Variants in PUS7 observed in about 807,000 individuals in gnomAD.
The protein encoded by PUS7 is pseudouridine synthase 7.
In PUS7, 48 loss-of-function variants were observed where a neutral mutation model predicts 79.8. That is an observed-to-expected ratio of 0.60 (90% CI 0.48 to 0.76). The LOEUF is 0.76. PUS7 is among the 30% of genes least tolerant of loss of function. The pLI is 0.00. For missense variants in PUS7, 729 were observed against 797.6 expected (o/e 0.91, Z 1.04); for synonymous variants, 286 against 272.2 (o/e 1.05, Z -0.50).
At chr7:105,510,413 G>T (rs1825656732) in intron 1 of PUS7, among the ~76,000 whole-genome samples, 1 of 152,150 alleles carries the variant, frequency 6.6e-6, no homozygotes, top group Non-Finnish European at 1.5e-5. Flanking sequence ...GTGTCATACA[G>T]GTGGTATATA....
At chr7:105,494,335 A>G (rs1291986202) in intron 6 of PUS7, among the ~76,000 whole-genome samples, 2 of 151,338 alleles carry the variant, frequency 1.3e-5, no homozygotes, top group Admixed American at 6.6e-5. Context: ...TAAGAAAACT[A>G]TCCTCACGGC....
intron 5 of PUS7, among the ~76,000 whole-genome samples, chr7:105,499,116 T>C (rs939849127): frequency 6.6e-6 from 1 of 152,206 alleles, no homozygotes; most frequent in Non-Finnish European, 1.5e-5. Context: ...ATCATTCCAC[T>C]AGAATGCTCC....
Position 105,462,741 on chromosome 7 carries a change from G to C in PUS7, c.1637C>G (p.Ala546Gly), listed in dbSNP as rs772752088. The C allele has an allele frequency of 5.6e-6, 9 of 1,611,252 alleles. No homozygotes were observed. The East Asian group carries it at 1.6e-4, about 28-fold the overall frequency. Residue 546 changes from alanine (A) to glycine (G), a missense_variant, in exon 14 of 16, where the codon GCC becomes GGC. Ala to Gly is a moderately conservative substitution (Grantham distance 60). Coordinates refer to ENST00000469408, the MANE Select transcript of PUS7 (RefSeq NM_019042.5). ...GTCAGCTGTGAGCATTTCCCTGTAG[G>C]CTTCTTGAACTAATATAAAATACAA... The part of the protein sequence containing the change: ...VIYPKHKIQE[A>G]YREMLTADNL...
chr7:105,480,244 G>A (rs1824265711), intron 9 of PUS7, among the ~76,000 whole-genome samples: 1 of 152,042 alleles, frequency 6.6e-6, no homozygotes, highest in Non-Finnish European at 1.5e-5. Context: ...GGCTGAGGTA[G>A]GCGGATCATT....
intron 1 of PUS7, among the ~76,000 whole-genome samples, chr7:105,513,054 A>T (rs973920155): frequency 6.6e-6 from 1 of 152,152 alleles, no homozygotes; most frequent in Non-Finnish European, 1.5e-5. Context: ...TTGGAAGAAG[A>T]TGAGCCCACC....
At chr7:105,518,053 C>T (rs1335730286) in intron 1 of PUS7, among the ~76,000 whole-genome samples, 2 of 151,874 alleles carry the variant, frequency 1.3e-5, no homozygotes, top group Non-Finnish European at 2.9e-5. Context: ...GAGGCTGAGA[C>T]AGGAGAATCG....
intron 4 of PUS7, among the ~76,000 whole-genome samples, chr7:105,504,093 C>A (rs1299784845): frequency 7.2e-6 from 1 of 139,496 alleles, no homozygotes; most frequent in Non-Finnish European, 1.5e-5. Flanking sequence ...TTTTGAGACA[C>A]AGTTTCACTC....
intron 4 of PUS7, among the ~76,000 whole-genome samples, chr7:105,503,477 G>A (rs139133499): frequency 2.4e-3 from 372 of 152,162 alleles, no homozygotes; most frequent in Middle Eastern, 0.017. Context: ...TATTTTCAGC[G>A]TGTGAGTGCA....
At chr7:105,513,384 T>TG (rs1199871778) in intron 1 of PUS7, among the ~76,000 whole-genome samples, 1 of 152,208 alleles carries the variant, frequency 6.6e-6, no homozygotes, top group African/African-American at 2.4e-5. Flanking sequence ...TCAACAATCT[T>TG]GGAGACAGAT....
chr7:105,507,395 T>G (rs1228318207), intron 2 of PUS7, among the ~76,000 whole-genome samples: 1 of 152,088 alleles, frequency 6.6e-6, no homozygotes, highest in East Asian at 1.9e-4. Context: ...GCTAAGTAAC[T>G]ACTAAGTAGC....
chr7:105,501,558 T>A (rs1032357190), intron 5 of PUS7, among the ~76,000 whole-genome samples: 5 of 152,162 alleles, frequency 3.3e-5, no homozygotes, highest in Admixed American at 6.5e-5. Context: ...AAAGGGTGTC[T>A]TTCTATATAT....
At chr7:105,461,206 T>C (rs1377917161) in intron 14 of PUS7, among the ~76,000 whole-genome samples, 1 of 152,202 alleles carries the variant, frequency 6.6e-6, no homozygotes, top group Non-Finnish European at 1.5e-5. Context: ...AGAGCGGTGT[T>C]TGGAACTCAC....
intron 6 of PUS7, among the ~76,000 whole-genome samples, chr7:105,493,097 G>A (rs932311295): frequency 3.9e-5 from 6 of 152,106 alleles, no homozygotes; most frequent in African/African-American, 1.4e-4. Context: ...TGAAAGCAAA[G>A]AAAAATGCAT....
chr7:105,520,493 T>C (rs1021658372), intron 1 of PUS7, among the ~76,000 whole-genome samples: 1 of 127,266 alleles, frequency 7.9e-6, no homozygotes, highest in African/African-American at 2.6e-5. Flanking sequence ...CTGCAATACA[T>C]GTGGGCGACA....
chr7:105,484,427 C>T (rs1824456873), intron 7 of PUS7, among the ~76,000 whole-genome samples: 2 of 151,190 alleles, frequency 1.3e-5, no homozygotes, highest in Non-Finnish European at 1.5e-5. Flanking sequence ...CCAGCCTGGC[C>T]AACACAGCAA....
intron 8 of PUS7, among the ~76,000 whole-genome samples, chr7:105,482,009 C>G (rs181937956): frequency 0.016 from 2,417 of 152,270 alleles, 33 homozygotes; most frequent in South Asian, 0.024. Context: ...GGATTACAGG[C>G]GTGAGCCACT....
At chr7:105,473,511 C>A (rs75297219) in intron 9 of PUS7, among the ~76,000 whole-genome samples, 1 of 151,858 alleles carries the variant, frequency 6.6e-6, no homozygotes, top group Non-Finnish European at 1.5e-5. Flanking sequence ...TTCTGCCTGC[C>A]GGGTCCAAGC....
intron 6 of PUS7, among the ~76,000 whole-genome samples, 169 bp downstream of exon 6, chr7:105,494,973 T>TATAAAAAA (rs1824946582): frequency 1.2e-5 from 1 of 85,880 alleles, no homozygotes. Context: ...TGAGACTGTC[T>TATAAAAAA]AAAAAAAAAA....
intron 7 of PUS7, among the ~76,000 whole-genome samples, chr7:105,489,165 A>G (rs542396664): frequency 7.8e-4 from 118 of 150,452 alleles, no homozygotes; most frequent in African/African-American, 1.5e-3. Context: ...AAAAAAAAAA[A>G]AAAGAAAGAA....
Sources: gnomAD v4.1 joint callset for allele counts (sites outside exome capture counted in the v4.1 genomes callset) on GRCh38, gnomAD v4.1.1 for gene constraint, MANE v1.5 for transcripts, NCBI Gene and HGNC (gene_info 2026-07-23, HGNC 2026-07-21) for gene names.